EEIG2: variants seen among roughly 807,000 people sequenced by gnomAD.
EEIG2 encodes EEIG family member 2, also known as family with sequence similarity 102 member B.
At chr1:108,621,507 C>T in the EEIG2 span, among the ~76,000 whole-genome samples, 2 of 152,098 alleles carry the variant, frequency 1.3e-5, no homozygotes, top group African/African-American at 4.8e-5. Context: ...GACCGCAGAA[C>T]AAGGGGTGCC....
At chr1:108,616,489 T>A in the EEIG2 span, 1 of 1,139,636 alleles carries the variant, frequency 8.8e-7, no homozygotes, top group Non-Finnish European at 1.3e-6. Context: ...TTTATTTGTT[T>A]AAATTTTTAC....
chr1:108,573,328 T>A, the EEIG2 span, among the ~76,000 whole-genome samples: 1 of 152,220 alleles, frequency 6.6e-6, no homozygotes. Flanking sequence ...CATCCAAGAC[T>A]TTTTCATTAT....
the EEIG2 span, among the ~76,000 whole-genome samples, chr1:108,576,300 AT>A: frequency 7.1e-4 from 108 of 152,166 alleles, no homozygotes; most frequent in Non-Finnish European, 1.2e-3. Context: ...CAGATACTGC[AT>A]TTTTTTTATT....
At chr1:108,629,226 TG>T in the EEIG2 span, among the ~76,000 whole-genome samples, 2 of 152,196 alleles carry the variant, frequency 1.3e-5, no homozygotes, top group South Asian at 4.1e-4. Flanking sequence ...AAAATTTGTA[TG>T]CCACCAATTT....
At chr1:108,585,125 C>G in the EEIG2 span, among the ~76,000 whole-genome samples, 1 of 152,100 alleles carries the variant, frequency 6.6e-6, no homozygotes, top group African/African-American at 2.4e-5. Flanking sequence ...TTATGCTAAT[C>G]AAGTGTAAGC....
chr1:108,632,138 A>G, the EEIG2 span, among the ~76,000 whole-genome samples: 13,085 of 86,368 alleles, frequency 0.15, 767 homozygotes, highest in Non-Finnish European at 0.19. Flanking sequence ...AAAAAAAAAG[A>G]AGAAGAAGAA....
At chr1:108,585,484 T>C in the EEIG2 span, among the ~76,000 whole-genome samples, 1 of 152,182 alleles carries the variant, frequency 6.6e-6, no homozygotes, top group Non-Finnish European at 1.5e-5. Flanking sequence ...GAAATCTGTT[T>C]ACACTGACTG....
At chr1:108,566,824 A>C in the EEIG2 span, among the ~76,000 whole-genome samples, 1 of 152,176 alleles carries the variant, frequency 6.6e-6, no homozygotes, top group South Asian at 2.1e-4. Context: ...GTGGGATATA[A>C]AAAAGGTGAA....
chr1:108,584,531 A>G, the EEIG2 span, among the ~76,000 whole-genome samples: 485 of 152,306 alleles, frequency 3.2e-3, 4 homozygotes, highest in African/African-American at 0.011. Flanking sequence ...TAAGTGAGTC[A>G]TCGCTAGCAT....
At chr1:108,603,663 A>G in the EEIG2 span, among the ~76,000 whole-genome samples, 1 of 152,232 alleles carries the variant, frequency 6.6e-6, no homozygotes, top group Non-Finnish European at 1.5e-5. Flanking sequence ...AAAATATGAT[A>G]AGAAGAGACC....
chr1:108,560,485 C>G, the EEIG2 span: 1 of 1,613,492 alleles, frequency 6.2e-7, no homozygotes, highest in Non-Finnish European at 8.5e-7. Context: ...AGGAGCTCTC[C>G]TCAGTGCCCT....
chr1:108,605,044 A>G, the EEIG2 span, among the ~76,000 whole-genome samples: 1 of 152,110 alleles, frequency 6.6e-6, no homozygotes, highest in Non-Finnish European at 1.5e-5. Flanking sequence ...CCCTGTCTCT[A>G]AGAAATAAAA....
chr1:108,634,257 G>A, the EEIG2 span, among the ~76,000 whole-genome samples: 1 of 152,204 alleles, frequency 6.6e-6, no homozygotes, highest in Admixed American at 6.5e-5. Context: ...CTGGCATTCT[G>A]TTGAGGAAGT....
the EEIG2 span, among the ~76,000 whole-genome samples, chr1:108,593,997 G>A: frequency 1.3e-5 from 2 of 151,906 alleles, no homozygotes; most frequent in East Asian, 3.9e-4. Flanking sequence ...TTGTAGAGAT[G>A]AGGTTTCACC....
At chr1:108,571,057 G>T in the EEIG2 span, among the ~76,000 whole-genome samples, 1 of 152,146 alleles carries the variant, frequency 6.6e-6, no homozygotes, top group African/African-American at 2.4e-5. Flanking sequence ...TGAGTCTAGG[G>T]CGTGTTGTTT....
the EEIG2 span, among the ~76,000 whole-genome samples, chr1:108,586,293 A>G: frequency 6.7e-6 from 1 of 150,362 alleles, no homozygotes. Context: ...ATTATATAAC[A>G]CTTGGTGGTT....
At chr1:108,637,535 A>G in the EEIG2 span, 1 of 152,108 alleles carries the variant, frequency 6.6e-6, no homozygotes, top group African/African-American at 2.4e-5. Context: ...TTATGTTTTG[A>G]GTTTAGAAAA....
the EEIG2 span, among the ~76,000 whole-genome samples, chr1:108,577,574 G>T: frequency 2.4e-5 from 1 of 41,438 alleles, no homozygotes; most frequent in African/African-American, 6.0e-5. Context: ...CCCATTGCTT[G>T]TTTTTCTCAG....
chr1:108,571,577 C>T, the EEIG2 span, among the ~76,000 whole-genome samples: 3 of 152,204 alleles, frequency 2.0e-5, no homozygotes, highest in Non-Finnish European at 4.4e-5. Context: ...TAGATTTTTC[C>T]TACAGATTAC....
Sources: gnomAD v4.1 joint callset for allele counts (sites outside exome capture counted in the v4.1 genomes callset) on GRCh38, gnomAD v4.1.1 for gene constraint, MANE v1.5 for transcripts, NCBI Gene and HGNC (gene_info 2026-07-23, HGNC 2026-07-21) for gene names.